The following ZAN variants were observed in gnomAD, a reference collection of about 807,000 sequenced individuals.
ZAN encodes zonadhesin (gene/pseudogene).
A neutral mutation model predicts 286.2 loss-of-function variants in ZAN; 260 were observed. That is an observed-to-expected ratio of 0.91 (90% confidence interval 0.82 to 1.01). The LOEUF is 1.01. ZAN is among the 50% of genes least tolerant of loss of function. ZAN has a pLI of 0.00. For missense variants in ZAN, 3,410 were observed against 3,639.2 expected (o/e 0.94, Z 1.62); for synonymous variants, 1,368 against 1,417.5 (o/e 0.97, Z 0.79).
chr7:100,758,286 T>G lies in ZAN; in HGVS notation c.3394T>G (p.Cys1132Gly), dbSNP rs377530896. 193 of 1,613,284 alleles carry G rather than the reference T, an allele frequency of 1.2e-4. No homozygotes were observed. The African/African-American group carries it at 2.4e-3, about 20-fold the overall frequency. ...GSRVECQISQCGTHTVCQLKN... is the reference protein window; with the variant it reads ...GSRVECQISQGGTHTVCQLKN... ...TCGGGTCGAGTGCCAGATCTCTCAGTGTGGGACACACACCGTGTGCCAGCT... is the reference window on the plus strand; with the variant it reads ...TCGGGTCGAGTGCCAGATCTCTCAGGGTGGGACACACACCGTGTGCCAGCT... Residue 1132 changes from cysteine to glycine, a missense_variant, in exon 16 of 48, where the codon TGT becomes GGT. Transcript: ENST00000613979.
chr7:100,738,115 C>T (rs2115601997), intron 6 of ZAN, among the ~76,000 whole-genome samples: 1 of 139,864 alleles, frequency 7.1e-6, no homozygotes, highest in Admixed American at 7.1e-5. Flanking sequence ...CACCACCATG[C>T]CTGGCTAATT....
At chr7:100,771,474 C>A (rs1810364058) in intron 28 of ZAN, among the ~76,000 whole-genome samples, 1 of 151,718 alleles carries the variant, frequency 6.6e-6, no homozygotes, top group Non-Finnish European at 1.5e-5. Flanking sequence ...ATCTGTTGCC[C>A]AGGCTGGAGT....
chr7:100,765,227 ACT>A (rs1809870790), intron 22 of ZAN, 123 bp from the exon 23 acceptor site: 7 of 1,114,122 alleles, frequency 6.3e-6, no homozygotes, highest in African/African-American at 3.1e-5. Context: ...TCTCACAGTC[ACT>A]CTCTCTTCTC....
chr7:100,762,455 T>G (rs1809667195), intron 20 of ZAN, 97 bp downstream of exon 20: 1 of 1,368,150 alleles, frequency 7.3e-7, no homozygotes, highest in African/African-American at 1.6e-5. Flanking sequence ...AGATGGAGTC[T>G]CCTTCTGTCG....
rs771521607 is a variant in ZAN, at chr7:100,775,466, G to A, written c.5918G>A (p.Ser1973Asn). The change falls in exon 32 of 48, where the codon AGT becomes AAT. Residue 1973 changes from serine to asparagine, a missense_variant. Around this residue, in one of 7 missense-constraint regions of ZAN, gnomAD observed 1,289 missense variants for 1,314.3 expected, o/e 0.98. Transcript: ENST00000613979. The part of the protein sequence containing the change: ...PAMALPFFKI[S>N]AKHEKEEGGT... ...ATGGCCTTGCCCTTCTTCAAGATCA[G>A]TGCCAAGCATGAGAAGGAGGAAGGT... The A allele has an allele frequency of 1.2e-6, 2 of 1,614,016 alleles. No homozygotes were observed. The highest frequency in any genetic ancestry group is 1.7e-6 in the Non-Finnish European group (2 of 1,179,904).
At position 100,734,864 on chromosome 7, in the gene ZAN, G is replaced by C. The variant is rs1807196249; in HGVS notation, c.53+643G>C. 1.4e-5 allele frequency among the ~76,000 whole-genome samples: 2 copies of C among 140,270 alleles called. 1 individual carries two copies. Among genetic ancestry groups the C allele is most frequent in the South Asian group, 4.4e-4 (2 of 4,526 alleles). The allele number at this position is 140,270 out of a possible 152,430, so 92.0% of individuals were successfully genotyped here. ...CCCAGGGTGGACCCAGCTGATGAGA[G>C]AGACTTAAGTACGAGGCAGCAAAGA... On this transcript the variant is annotated intron_variant, in intron 2 of 47. Coordinates refer to ENST00000613979, the MANE Select transcript of ZAN (RefSeq NM_003386.3).
At position 100,773,775 on chromosome 7, in the gene ZAN, GTC is replaced by G. The variant is rs1467930707; in HGVS notation, c.5690_5691del (p.Val1897AlafsTer46). 6.2e-7 allele frequency: 1 copy of G among 1,611,954 alleles called. No individual in the cohort carries two copies. Among genetic ancestry groups the G allele is most frequent in the African/African-American group, 1.3e-5 (1 of 74,880 alleles). On this transcript the variant is annotated frameshift_variant, in exon 31 of 48. Transcript: ENST00000613979. LOFTEE classifies it high-confidence loss of function. ...NTCTRLCTCS[V>X]HNNITCFQST... Reference sequence around the variant, plus strand: ...CTGCACCAGGCTCTGCACCTGCTCCGTCCACAACAACATCACCTGCTTCCAGA... The same window carrying G: ...CTGCACCAGGCTCTGCACCTGCTCCGCACAACAACATCACCTGCTTCCAGA...
intron 44 of ZAN, 150 bp downstream of exon 44, chr7:100,794,408 A>C: frequency 7.5e-7 from 1 of 1,333,248 alleles, no homozygotes. Context: ...AAGGACAAAG[A>C]TCTCCCGATC....
intron 12 of ZAN, 120 bp downstream of exon 12, chr7:100,751,016 C>T: frequency 6.9e-7 from 1 of 1,446,404 alleles, no homozygotes. Context: ...AAAAGGGGAA[C>T]TTCGTGTTAC....
In ZAN at chr7:100,743,631, C is replaced by G. The variant is rs528569074; in HGVS notation, c.767-2907C>G. Among the ~76,000 whole-genome samples the G allele has an allele frequency of 7.9e-5, 12 of 152,136 alleles. No individual in the cohort carries two copies. The South Asian group carries it at 2.5e-3, about 32-fold the overall frequency. ...GTAGCTCATGCCTGTAATCCCAGCA[C>G]TTTGGGAGGCCGAGGTGGGCAGATC... On this transcript the variant is annotated intron_variant, in intron 7 of 47. Coordinates refer to ENST00000613979, the MANE Select transcript of ZAN (RefSeq NM_003386.3).
intron 22 of ZAN, among the ~76,000 whole-genome samples, chr7:100,764,873 T>G: frequency 6.6e-6 from 1 of 151,826 alleles, no homozygotes; most frequent in Non-Finnish European, 1.5e-5. Context: ...AGCGAAACTC[T>G]GTCTTTAAAA....
intron 39 of ZAN, among the ~76,000 whole-genome samples, chr7:100,790,398 T>C (rs561661380): frequency 2.7e-5 from 4 of 149,348 alleles, no homozygotes; most frequent in Non-Finnish European, 4.4e-5. Flanking sequence ...CTGTCTCTAC[T>C]GAAAATACTA....
In ZAN at chr7:100,769,914, C is replaced by T; in HGVS notation, c.5188C>T (p.Gln1730Ter). 2 of 1,563,984 alleles carry T rather than the reference C, an allele frequency of 1.3e-6. No individual in the cohort carries two copies. Among genetic ancestry groups the T allele is most frequent in the Non-Finnish European group, 8.7e-7 (1 of 1,153,628 alleles). The change falls in exon 28 of 48, where the codon CAG becomes TAG. Residue 1730 changes from glutamine (Q) to a stop codon, truncating the protein, a stop_gained. Coordinates refer to ENST00000613979, the MANE Select transcript of ZAN (RefSeq NM_003386.3). LOFTEE classifies it high-confidence loss of function. ...FLVGGKPSSC[Q>*]ENSMADAWNK... is the part of the protein sequence containing the mutation. ...TGTGGGTGGCAAGCCCTCCAGCTGC[C>T]AGGAGAACAGCATGGCAGACGCCTG...
rs1422468567 is a variant in ZAN, at chr7:100,779,529, T to G, written c.6401T>G (p.Leu2134Arg). ...AGTGGAAACTGCAGGGCGGCCGACC[T>G]CCGCAGGGCGCGGGAAAAGTGCGAG... is the stretch of plus-strand genomic sequence containing the variant. ...NPSGNCRAAD[L>R]RRAREKCEAA... The change falls in exon 35 of 48, where the codon CTC becomes CGC. Residue 2134 changes from leucine to arginine, a missense_variant. By Grantham distance (102) the Leu-to-Arg change is moderately radical (BLOSUM62 -2). Coordinates refer to ENST00000613979, the MANE Select transcript of ZAN (RefSeq NM_003386.3). 2 of 1,612,110 alleles carry G rather than the reference T, an allele frequency of 1.2e-6. No individual in the cohort carries two copies. The highest frequency in any genetic ancestry group is 2.2e-5 in the South Asian group (2 of 90,494).
chr7:100,776,537 GT>G lies in ZAN; in HGVS notation c.6292del (p.Trp2098GlyfsTer15), dbSNP rs1810805171. On this transcript the variant is annotated frameshift_variant, in exon 34 of 48. Coordinates refer to ENST00000613979, the MANE Select transcript of ZAN (RefSeq NM_003386.3). LOFTEE classifies it high-confidence loss of function. ...VANSDSEFVN[S>X]WKDKDIDPSC... ...AATAGTGACAGTGAATTTGTGAACA[GT>G]TGGAAAGATAAGGACATTGACCCAA... is the stretch of plus-strand genomic sequence containing the variant. 2 of 1,563,302 alleles carry G rather than the reference GT, an allele frequency of 1.3e-6. No homozygotes were observed. The highest frequency in any genetic ancestry group is 2.7e-5 in the African/African-American group (2 of 73,722).
At position 100,750,759 on chromosome 7, in the gene ZAN, G is replaced by A. The variant is rs1230664128; in HGVS notation, c.1384G>A (p.Gly462Ser). 1.9e-6 allele frequency: 3 copies of A among 1,613,152 alleles called. No homozygotes were observed. Among genetic ancestry groups the A allele is most frequent in the Non-Finnish European group, 2.5e-6 (3 of 1,179,666 alleles). ...FAYHMYGLGE[G>S]TMLELLLGSP... ...ATACCACATGTATGGCCTTGGGGAG[G>A]GTACTATGCTCGAACTCCTCCTGGG... The change falls in exon 12 of 48, where the codon GGT (glycine) becomes AGT (serine). Residue 462 changes from glycine to serine, a missense_variant. Physicochemically the swap from Gly to Ser is moderately conservative, Grantham distance 56. This residue lies in a region of ZAN where 872 missense variants were observed against 938.9 expected (regional missense o/e 0.93). Coordinates refer to ENST00000613979, the MANE Select transcript of ZAN (RefSeq NM_003386.3).
intron 42 of ZAN, 91 bp downstream of exon 42, chr7:100,792,570 G>A (rs370612350): frequency 1.3e-5 from 20 of 1,571,166 alleles, no homozygotes; most frequent in African/African-American, 2.7e-5. Context: ...TCCCTGTGCC[G>A]ACCCTGACCC....
Position 100,736,893 on chromosome 7 carries a change from G to A in ZAN, c.338G>A (p.Gly113Asp), listed in dbSNP as rs34828430. 5 of 1,488,338 alleles carry A rather than the reference G, an allele frequency of 3.4e-6. No individual in the cohort carries two copies. The highest frequency in any genetic ancestry group is 3.7e-6 in the Non-Finnish European group (4 of 1,089,982). The allele number at this position is 1,488,338 out of a possible 1,614,324, so 92.2% of individuals were successfully genotyped here. A position where few individuals can be genotyped will look rare whatever the true frequency, so the allele number is the denominator to read the frequency against. The change falls in exon 5 of 48, where the codon GGC becomes GAC. Residue 113 changes from glycine to aspartate, a missense_variant. Coordinates refer to ENST00000613979, the MANE Select transcript of ZAN (RefSeq NM_003386.3). ...CTCAGCCCCGACCTATGGGAGCAAGGCCCCCTCTGTGTGCACTTTGCCCAC... is the reference window on the plus strand; with the variant it reads ...CTCAGCCCCGACCTATGGGAGCAAGACCCCCTCTGTGTGCACTTTGCCCAC... The part of the protein sequence containing the change: ...RLLSPDLWEQ[G>D]PLCVHFAHHM...
intron 41 of ZAN, 128 bp downstream of exon 41, chr7:100,792,276 T>C: frequency 6.6e-7 from 1 of 1,506,482 alleles, no homozygotes; most frequent in Non-Finnish European, 8.9e-7. Context: ...TGTGGCCTAA[T>C]TTCCTTGTGA....
Sources: gnomAD v4.1 joint callset for allele counts (sites outside exome capture counted in the v4.1 genomes callset) on GRCh38, gnomAD v4.1.1 for gene constraint, gnomAD v4.1.1 regional missense constraint, MANE v1.5 for transcripts, NCBI Gene and HGNC (gene_info 2026-07-23, HGNC 2026-07-21) for gene names.